The following TTN variants were observed in gnomAD, a reference collection of about 807,000 sequenced individuals.
The protein encoded by TTN is connectin.
TTN carries 1,525 observed loss-of-function variants against 3,223.0 expected under a neutral mutation model. That is an observed-to-expected ratio of 0.47 (90% CI 0.45 to 0.49). The LOEUF (loss-of-function observed/expected upper bound fraction) is 0.49. Among genes scored for constraint, TTN ranks in the 20% least tolerant of loss-of-function variants. The probability of loss-of-function intolerance (pLI) is 0.00; values close to 1 mark genes in which losing one functional copy is unlikely to be tolerated. For missense variants in TTN, 40,786 were observed against 43,424.0 expected (o/e 0.94, Z 5.40); for synonymous variants, 14,094 against 15,161.0 (o/e 0.93, Z 5.17).
At chr2:178,665,254 G>T in intron 165 of TTN, 123 bp downstream of exon 165, 1 of 990,236 alleles carries the variant, frequency 1.0e-6, no homozygotes, top group Non-Finnish European at 1.5e-6. Flanking sequence ...TGGAACCTCA[G>T]ACACTTAAAA....
Position 178,792,112 on chromosome 2 carries a change from T to G in TTN, c.1622A>C (p.Glu541Ala), listed in dbSNP as rs794729422. ...KAKEQETRIS[E>A]EITKKQKQVT... is the part of the protein sequence containing the mutation. ...TTGTTTCTGTTTCTTAGTAATTTCT[T>G]CAGAAATTCTAGTTTCTTGTTCTTT... The change falls in exon 10 of 363, where the codon GAA becomes GCA. Residue 541 changes from glutamate to alanine, a missense_variant. Transcript: ENST00000589042. The G allele has an allele frequency of 1.6e-5, 25 of 1,612,280 alleles. No homozygotes were observed. The highest frequency in any genetic ancestry group is 2.1e-5 in the Non-Finnish European group (25 of 1,179,016).
At chr2:178,633,141 C>G in intron 233 of TTN, 46 bp downstream of exon 233, 1 of 1,603,090 alleles carries the variant, frequency 6.2e-7, no homozygotes, top group Non-Finnish European at 8.5e-7. Flanking sequence ...TCACCCTACA[C>G]AACCAAGCAA....
Position 178,634,033 on chromosome 2 carries a change from C to G in TTN, c.42466G>C (p.Gly14156Arg). Residue 14156 changes from glycine (G) to arginine (R), a missense_variant, in exon 231 of 363, where the codon GGT becomes CGT. Transcript: ENST00000589042. The surrounding 1 kb of genome is among the most constrained non-coding windows in gnomAD (Gnocchi z 4.6). ...TCACAAACAAAAGTTGCTGTTTCAC[C>G]TTCTTTTACTGTTTGATCTTCAAGA... Reference protein sequence around the residue: ...SPLEDQTVKEGETATFVCELS... With the variant: ...SPLEDQTVKERETATFVCELS... The G allele has an allele frequency of 1.2e-6, 2 of 1,613,150 alleles. No homozygotes were observed. Among genetic ancestry groups the G allele is most frequent in the Non-Finnish European group, 1.7e-6 (2 of 1,179,466 alleles).
intron 38 of TTN, 101 bp from the exon 39 acceptor site, chr2:178,768,256 A>C: frequency 7.4e-7 from 1 of 1,351,940 alleles, no homozygotes; most frequent in Non-Finnish European, 1.0e-6. Flanking sequence ...CAATTCAATG[A>C]ATTTCCATGT....
At chr2:178,725,165 T>C in intron 71 of TTN, 1 of 491,878 alleles carries the variant, frequency 2.0e-6, no homozygotes, top group Non-Finnish European at 3.3e-6. Flanking sequence ...TATTAAACAA[T>C]AAAACAGATG....
In TTN at chr2:178,669,456, A is replaced by G. The variant is rs746940707; in HGVS notation, c.35471-9T>C. 5.2e-6 allele frequency: 8 copies of G among 1,546,778 alleles called. No homozygotes were observed. The African/African-American group carries it at 6.9e-5, about 13-fold the overall frequency. On this transcript the variant is annotated splice_polypyrimidine_tract_variant and intron_variant, in intron 158 of 362. Transcript: ENST00000589042. ...CTTAGGCATCCCAGGAACTTTAAAG[A>G]TATTAGTATATTAATTGTTACAGAT...
chr2:178,619,784 T>C lies in TTN; in HGVS notation c.46533A>G (p.Gln15511=), dbSNP rs2154210588. 2 of 1,612,418 alleles carry C rather than the reference T, an allele frequency of 1.2e-6. No homozygotes were observed. The highest frequency in any genetic ancestry group is 1.7e-6 in the Non-Finnish European group (2 of 1,178,924). Residue 15511 remains glutamine (Q), a synonymous_variant, in exon 250 of 363, where the codon CAA becomes CAG. Coordinates refer to ENST00000589042, the MANE Select transcript of TTN (RefSeq NM_001267550.2). ...CAACAACCATGTTATTTCTTAGCCA[T>C]TGGACTTCCACCTTATCTTTATTGA... The part of the protein sequence containing the change: ...AELNKDKVEV[Q]WLRNNMVVVQ...
At position 178,552,551 on chromosome 2, in the gene TTN, T is replaced by C. The variant is rs1241230315; in HGVS notation, c.90349A>G (p.Ile30117Val). The change falls in exon 335 of 363, where the codon ATT (isoleucine) becomes GTT (valine). Residue 30117 changes from isoleucine to valine, a missense_variant. Ile to Val is a conservative substitution (Grantham distance 29). Coordinates refer to ENST00000589042, the MANE Select transcript of TTN (RefSeq NM_001267550.2). ...NEKGLSDPVTIGPITVKELII... is the reference protein window; with the variant it reads ...NEKGLSDPVTVGPITVKELII... ...AGTTCTTTCACTGTAATTGGCCCAA[T>C]AGTGACAGGATCACTCAGTCCTTTC... 3 of 1,613,632 alleles carry C rather than the reference T, an allele frequency of 1.9e-6. No individual in the cohort carries two copies. Among genetic ancestry groups the C allele is most frequent in the Non-Finnish European group, 2.5e-6 (3 of 1,179,802 alleles).
In TTN at chr2:178,607,776, G is replaced by A. The variant is rs374671774; in HGVS notation, c.53002+9C>T. The A allele has an allele frequency of 3.7e-6, 6 of 1,612,544 alleles. No individual in the cohort carries two copies. Among genetic ancestry groups the A allele is most frequent in the Admixed American group, 1.7e-5 (1 of 59,914 alleles). Reference sequence around the variant, plus strand: ...ATATCCATAATTTTATTCCAATAACGTTAAGTACCTTGTGGTTCAGCCACA... The same window carrying A: ...ATATCCATAATTTTATTCCAATAACATTAAGTACCTTGTGGTTCAGCCACA... On this transcript the variant is annotated intron_variant, in intron 276 of 362. Transcript: ENST00000589042.
intron 209 of TTN, among the ~76,000 whole-genome samples, 169 bp downstream of exon 209, chr2:178,650,582 A>G (rs573475954): frequency 6.6e-6 from 1 of 152,282 alleles, no homozygotes; most frequent in East Asian, 1.9e-4. Context: ...GTGGACCAAT[A>G]ACCCAAAATA....
At position 178,714,568 on chromosome 2, in the gene TTN, G is replaced by T. The variant is rs777166872; in HGVS notation, c.26206C>A (p.Pro8736Thr). ...CVGSIALKAP[P>T]RFVKKLSDIS... ...TCACTGAGCTTCTTCACAAATCTTG[G>T]TGGTGCTGATGAAAAAGGAGGAAAG... Residue 8736 changes from proline to threonine, a missense_variant, in exon 91 of 363, where the codon CCA becomes ACA. Physicochemically the swap from Pro to Thr is conservative, Grantham distance 38. Coordinates refer to ENST00000589042, the MANE Select transcript of TTN (RefSeq NM_001267550.2). 2.5e-6 allele frequency: 4 copies of T among 1,593,992 alleles called. No homozygotes were observed. Among genetic ancestry groups the T allele is most frequent in the South Asian group, 2.3e-5 (2 of 88,294 alleles).
chr2:178,558,231 T>G lies in TTN; in HGVS notation c.87123A>C (p.Pro29041=). The G allele has an allele frequency of 6.2e-7, 1 of 1,603,636 alleles. No homozygotes were observed. The highest frequency in any genetic ancestry group is 8.5e-7 in the Non-Finnish European group (1 of 1,177,280). Residue 29041 remains proline, a synonymous_variant, in exon 328 of 363, where the codon CCA becomes CCC. Transcript: ENST00000589042. ...LPVLIKEQLE[P]PEIDMKNFPS... is the part of the protein sequence containing the mutation. ...GGAAATTCTTCATATCAATTTCAGG[T>G]GGTTCTGAAAAATGAGTATAGAAAG...
chr2:178,648,312 A>G (rs1156774689), intron 213 of TTN, among the ~76,000 whole-genome samples: 3 of 152,128 alleles, frequency 2.0e-5, no homozygotes. Context: ...TTTACTTGAC[A>G]TAAGTTTACT....
At chr2:178,647,040 G>GTATATATATATATATA (rs10580462) in intron 215 of TTN, 24 bp downstream of exon 215, 13 of 731,460 alleles carry the variant, frequency 1.8e-5, no homozygotes, top group Admixed American at 9.3e-5. Flanking sequence ...TTAAAAAAAT[G>GTATATATATATATATA]TATATATATA....
rs773835374 is a variant in TTN at position 178,547,835 on chromosome 2, A to G, written c.93791T>C (p.Ile31264Thr). 2 of 1,613,792 alleles carry G rather than the reference A, an allele frequency of 1.2e-6. No individual in the cohort carries two copies. The highest frequency in any genetic ancestry group is 1.7e-5 in the Admixed American group (1 of 59,990). ...MRLKETDRVS[I>T]TTTKDRTTLT... ...TGTGGTTCTGTCTTTTGTTGTTGTA[A>G]TGCTCACTCGATCTGTCTCTTTAAG... The change falls in exon 339 of 363, where the codon ATT becomes ACT. Residue 31264 changes from isoleucine (I) to threonine (T), a missense_variant. Physicochemically the swap from Ile to Thr is moderately conservative, Grantham distance 89 (BLOSUM62 -1). Coordinates refer to ENST00000589042, the MANE Select transcript of TTN (RefSeq NM_001267550.2).
chr2:178,591,636 A>G lies in TTN; in HGVS notation c.60183T>C (p.Pro20061=), dbSNP rs1185063477. The G allele has an allele frequency of 6.8e-6, 11 of 1,613,432 alleles. No individual in the cohort carries two copies. The highest frequency in any genetic ancestry group is 1.7e-4 in the Middle Eastern group (1 of 6,048). Residue 20061 remains proline (P), a synonymous_variant, in exon 303 of 363, where the codon CCT becomes CCC. Coordinates refer to ENST00000589042, the MANE Select transcript of TTN (RefSeq NM_001267550.2). ...KAENIVGLGL[P]DTTIPIECQE... Reference sequence around the variant, plus strand: ...GACATTCTATCGGGATAGTTGTGTCAGGGAGACCAAGACCCACAATGTTTT... The same window carrying G: ...GACATTCTATCGGGATAGTTGTGTCGGGGAGACCAAGACCCACAATGTTTT...
chr2:178,801,575 T>C (rs1234676100), intron 3 of TTN, among the ~76,000 whole-genome samples: 1 of 152,216 alleles, frequency 6.6e-6, no homozygotes, highest in Non-Finnish European at 1.5e-5. Context: ...TTCTGTATAC[T>C]AATGTCTCAC....
rs779632637 is a variant in TTN, at chr2:178,537,104, C to G, written c.100005G>C (p.Glu33335Asp). ...NYVVEKCEAK[E>D]GAEWQLVSSA... ...AAGACACCAATTGCCATTCAGCCCC[C>G]TCCTTGGCCTCACATTTTTCCACCA... Residue 33335 changes from glutamate (E) to aspartate (D), a missense_variant, in exon 356 of 363, where the codon GAG (glutamate) becomes GAC (aspartate). Coordinates refer to ENST00000589042, the MANE Select transcript of TTN (RefSeq NM_001267550.2). 2 of 1,613,238 alleles carry G rather than the reference C, an allele frequency of 1.2e-6. No homozygotes were observed. Among genetic ancestry groups the G allele is most frequent in the Non-Finnish European group, 1.7e-6 (2 of 1,179,564 alleles).
Position 178,542,651 on chromosome 2 carries a change from C to T in TTN, c.97192+11G>A. The T allele has an allele frequency of 3.7e-6, 6 of 1,607,246 alleles. No individual in the cohort carries two copies. Among genetic ancestry groups the T allele is most frequent in the Non-Finnish European group, 5.1e-6 (6 of 1,174,496 alleles). On this transcript the variant is annotated intron_variant, in intron 348 of 362. Coordinates refer to ENST00000589042, the MANE Select transcript of TTN (RefSeq NM_001267550.2). The stretch of plus-strand genomic sequence containing the variant: ...CATCAACTTGCTTGTATCTTTGTCA[C>T]ACATCCTTACCAAGAATGATAACTT...
Sources: allele counts gnomAD v4.1 joint callset (sites outside exome capture counted in the v4.1 genomes callset), GRCh38; gene constraint gnomAD v4.1.1; non-coding constraint Gnocchi (gnomAD v3.1); transcripts MANE v1.5; gene names NCBI Gene and HGNC (gene_info 2026-07-23, HGNC 2026-07-21).